AREL1: variants seen among roughly 807,000 people sequenced by gnomAD.
AREL1 encodes apoptosis-resistant E3 ubiquitin protein ligase 1.
A neutral mutation model predicts 99.0 loss-of-function variants in AREL1; 62 were observed. That is an observed-to-expected ratio of 0.63 (90% confidence interval 0.51 to 0.77). AREL1 has a LOEUF of 0.77. AREL1 is among the 30% of genes least tolerant of loss of function. AREL1 has a pLI of 0.00. For synonymous variants in AREL1, 380 were observed against 376.5 expected, an observed-to-expected ratio of 1.01 and a Z score of -0.11; for missense variants, 879 against 1,027.6, an observed-to-expected ratio of 0.86 and a Z score of 1.98.
intron 8 of AREL1, 64 bp downstream of exon 8, chr14:74,675,634 TA>T: frequency 6.4e-7 from 1 of 1,555,310 alleles, no homozygotes. Context: ...TGGTTTCTGC[TA>T]CCAAATACCA....
chr14:74,694,947 C>T (rs930482830), intron 1 of AREL1, among the ~76,000 whole-genome samples: 10 of 146,818 alleles, frequency 6.8e-5, no homozygotes, highest in African/African-American at 2.5e-4. Context: ...CAAGATTGCG[C>T]CACTGCACTC....
rs534241068 is a variant in AREL1, at chr14:74,664,219, A to C, written c.2194-145T>G. The C allele has an allele frequency of 2.5e-3, 2,261 of 903,276 alleles. 5 individuals carry two copies. Among genetic ancestry groups the C allele is most frequent in the Non-Finnish European group, 3.4e-3 (2,061 of 610,682 alleles). 56.0% of individuals were successfully genotyped at this position (903,276 alleles called of 1,614,324 possible). A position where few individuals can be genotyped will look rare whatever the true frequency, so the allele number is the denominator to read the frequency against. On this transcript the variant is annotated intron_variant, in intron 18 of 19. Coordinates refer to ENST00000356357, the MANE Select transcript of AREL1 (RefSeq NM_001039479.2). ...ACAGGGTAGGAACAGTTTGACAAGC[A>C]CTTCAAGAATTTACACTGTCACATG...
intron 2 of AREL1, among the ~76,000 whole-genome samples, chr14:74,687,468 A>G (rs1225847135): frequency 4.6e-5 from 7 of 152,198 alleles, no homozygotes; most frequent in Non-Finnish European, 1.5e-5. Flanking sequence ...CTCCTTTAGT[A>G]TGATATGACT....
intron 2 of AREL1, among the ~76,000 whole-genome samples, chr14:74,686,329 G>A (rs1594769358): frequency 6.6e-6 from 1 of 152,334 alleles, no homozygotes; most frequent in South Asian, 2.1e-4. Context: ...TGTCAAGGTA[G>A]GAGTCTGAGG....
intron 1 of AREL1, among the ~76,000 whole-genome samples, chr14:74,700,875 C>T (rs536178565): frequency 1.1e-4 from 17 of 152,058 alleles, no homozygotes; most frequent in Middle Eastern, 3.4e-3. Flanking sequence ...GTTTTTTAAC[C>T]GAGAGAGAAA....
chr14:74,673,275 C>A, intron 9 of AREL1, 57 bp from the exon 10 acceptor site: 1 of 1,573,844 alleles, frequency 6.4e-7, no homozygotes. Flanking sequence ...AGTAAAAGTC[C>A]TCCACAGCTC....
At chr14:74,697,832 C>A (rs1208088439) in intron 1 of AREL1, among the ~76,000 whole-genome samples, 1 of 152,116 alleles carries the variant, frequency 6.6e-6, no homozygotes, top group Non-Finnish European at 1.5e-5. Flanking sequence ...AGGCAATCCC[C>A]CAAATCACAG....
chr14:74,684,601 G>T lies in AREL1; in HGVS notation c.96C>A (p.Phe32Leu). 1 of 1,614,180 alleles carries T rather than the reference G, an allele frequency of 6.2e-7. No individual in the cohort carries two copies. The highest frequency in any genetic ancestry group is 8.5e-7 in the Non-Finnish European group (1 of 1,180,032). The change falls in exon 4 of 20, where the codon TTC becomes TTA. Residue 32 changes from phenylalanine to leucine, a missense_variant. Phe to Leu is a conservative substitution (Grantham distance 22). Coordinates refer to ENST00000356357, the MANE Select transcript of AREL1 (RefSeq NM_001039479.2). ...GGCGCTCGCGGTCCTCATTCTGGAG[G>T]AAGCTGACTACACGTGCGGCAAGCT... ...LFELAARVVS[F>L]LQNEDRERRG...
intron 1 of AREL1, among the ~76,000 whole-genome samples, chr14:74,694,430 G>A (rs1178147874): frequency 6.6e-6 from 1 of 152,180 alleles, no homozygotes. Context: ...AACTGTTTAT[G>A]TAGCACAAGT....
At chr14:74,708,838 C>G (rs2090230625) in intron 1 of AREL1, among the ~76,000 whole-genome samples, 1 of 152,170 alleles carries the variant, frequency 6.6e-6, no homozygotes, top group South Asian at 2.1e-4. Context: ...TATTTAGTTT[C>G]TAATAGCTAA....
chr14:74,694,552 T>C (rs957459411), intron 1 of AREL1, among the ~76,000 whole-genome samples: 3 of 152,230 alleles, frequency 2.0e-5, no homozygotes, highest in Admixed American at 6.5e-5. Flanking sequence ...ATTTTCTACC[T>C]GTACCTTTTA....
At chr14:74,701,397 T>C (rs1275174016) in intron 1 of AREL1, among the ~76,000 whole-genome samples, 2 of 151,844 alleles carry the variant, frequency 1.3e-5, no homozygotes, top group Non-Finnish European at 2.9e-5. Context: ...CGGTGGAAGG[T>C]GAAAGGCATG....
chr14:74,694,826 A>G (rs907318233), intron 1 of AREL1, among the ~76,000 whole-genome samples: 3 of 151,766 alleles, frequency 2.0e-5, no homozygotes, highest in Non-Finnish European at 2.9e-5. Flanking sequence ...CGTCTCTACT[A>G]AAAATACAAA....
chr14:74,696,545 T>C (rs940131620), intron 1 of AREL1, among the ~76,000 whole-genome samples: 1 of 152,200 alleles, frequency 6.6e-6, no homozygotes, highest in African/African-American at 2.4e-5. Flanking sequence ...TAAAGTGCTA[T>C]TCTAAAAAGC....
intron 5 of AREL1, among the ~76,000 whole-genome samples, chr14:74,680,963 G>C (rs1199700117): frequency 6.6e-6 from 1 of 151,874 alleles, no homozygotes; most frequent in Non-Finnish European, 1.5e-5. Context: ...CAGGAGGATT[G>C]CTTGAGGCCA....
At chr14:74,686,263 A>T (rs2089746384) in intron 2 of AREL1, among the ~76,000 whole-genome samples, 2 of 152,228 alleles carry the variant, frequency 1.3e-5, no homozygotes, top group Non-Finnish European at 2.9e-5. Flanking sequence ...TGAGCTCAGC[A>T]GAAAGACCAA....
Position 74,676,309 on chromosome 14 carries a change from CT to C in AREL1, c.663del (p.Glu222LysfsTer13). 2 of 1,614,014 alleles carry C rather than the reference CT, an allele frequency of 1.2e-6. No individual in the cohort carries two copies. Among genetic ancestry groups the C allele is most frequent in the Non-Finnish European group, 1.7e-6 (2 of 1,179,984 alleles). ...YTLSIHELGP[Q>X]EEESTGVSFE... Reference sequence around the variant, plus strand: ...AATGAGACACCAGTACTCTCTTCTTCTTGAGGGCCGAGCTATAGGAAGGCAA... The same window carrying C: ...AATGAGACACCAGTACTCTCTTCTTCTGAGGGCCGAGCTATAGGAAGGCAA... On this transcript the variant is annotated frameshift_variant, in exon 7 of 20. Transcript: ENST00000356357. LOFTEE classifies it high-confidence loss of function.
chr14:74,687,329 G>A lies in AREL1; in HGVS notation c.-45-1669C>T, dbSNP rs578256740. Among the ~76,000 whole-genome samples, 11 of 152,328 alleles carry A rather than the reference G, an allele frequency of 7.2e-5. 1 individual carries two copies. In the South Asian group the frequency reaches 1.9e-3, roughly 26 times the overall value. ...CAACTACAACAACCCTTCTGTGAGA[G>A]ACAGCTGACATGCAGTAATTGAAAA... On this transcript the variant is annotated intron_variant, in intron 2 of 19. Coordinates refer to ENST00000356357, the MANE Select transcript of AREL1 (RefSeq NM_001039479.2).
chr14:74,675,853 C>T lies in AREL1; in HGVS notation c.926G>A (p.Ser309Asn), dbSNP rs1219663363. Residue 309 changes from serine to asparagine, a missense_variant, in exon 8 of 20, where the codon AGC becomes AAC. Coordinates refer to ENST00000356357, the MANE Select transcript of AREL1 (RefSeq NM_001039479.2). ...AYLYNATNCS[S>N]TPWHLPPMHM... ...CATGGGTGGCAGGTGCCATGGAGTG[C>T]TGCTACAGTTGGTAGCATTATAAAG... is the stretch of plus-strand genomic sequence containing the variant. 4 of 1,614,070 alleles carry T rather than the reference C, an allele frequency of 2.5e-6. No homozygotes were observed. The highest frequency in any genetic ancestry group is 3.4e-6 in the Non-Finnish European group (4 of 1,180,030).
Sources: allele counts gnomAD v4.1 joint callset (sites outside exome capture counted in the v4.1 genomes callset), GRCh38; gene constraint gnomAD v4.1.1; transcripts MANE v1.5; gene names NCBI Gene and HGNC (gene_info 2026-07-23, HGNC 2026-07-21).